FUT9: variants seen among roughly 807,000 people sequenced by gnomAD.
FUT9 encodes the protein 4-galactosyl-N-acetylglucosaminide 3-alpha-L-fucosyltransferase 9.
In FUT9, 15 loss-of-function variants were observed where a neutral mutation model predicts 29.7. That is an observed-to-expected ratio of 0.51 (90% CI 0.34 to 0.78). The LOEUF (loss-of-function observed/expected upper bound fraction) is 0.78. Among genes scored for constraint, FUT9 ranks in the 30% least tolerant of loss-of-function variants. FUT9 has a pLI of 0.01. For synonymous variants in FUT9, 169 were observed against 153.7 expected (o/e 1.10, Z -0.74); for missense variants, 319 against 425.4 (o/e 0.75, Z 2.20).
At chr6:96,129,283 A>C (rs1313052332) in intron 2 of FUT9, among the ~76,000 whole-genome samples, 1 of 10,224 alleles carries the variant, frequency 9.8e-5, no homozygotes, top group African/African-American at 1.5e-4. Context: ...AAAAAAAAAA[A>C]AAAAAAAAAC....
chr6:96,206,101 G>A lies in FUT9; in HGVS notation c.*1866G>A. On this transcript the variant is annotated 3_prime_UTR_variant, in exon 3 of 3. Coordinates refer to ENST00000302103, the MANE Select transcript of FUT9 (RefSeq NM_006581.4). Reference sequence around the variant, plus strand: ...CAATTCAGCCTGAGACTGTTTATATGCATGTGCTACTCCGAATGACGTTTG... The same window carrying A: ...CAATTCAGCCTGAGACTGTTTATATACATGTGCTACTCCGAATGACGTTTG... 6.0e-6 allele frequency: 1 copy of A among 166,982 alleles called. No homozygotes were observed. Among genetic ancestry groups the A allele is most frequent in the Non-Finnish European group, 1.5e-5 (1 of 68,108 alleles). 10.3% of individuals were successfully genotyped at this position (166,982 alleles called of 1,614,324 possible).
At position 96,210,892 on chromosome 6, in the gene FUT9, T is replaced by C. The variant is rs888791463; in HGVS notation, c.*6657T>C. On this transcript the variant is annotated 3_prime_UTR_variant, in exon 3 of 3. Coordinates refer to ENST00000302103, the MANE Select transcript of FUT9 (RefSeq NM_006581.4). ...TGTGCAAGTTACTCAACTTCTCTTA[T>C]CCTCAGATTTTGCAGCTGTAAAGCA... 5 of 166,906 alleles carry C rather than the reference T, an allele frequency of 3.0e-5. No homozygotes were observed. The highest frequency in any genetic ancestry group is 5.9e-5 in the Non-Finnish European group (4 of 68,024). The allele number at this position is 166,906 out of a possible 1,614,324, so 10.3% of individuals were successfully genotyped here. A position where few individuals can be genotyped will look rare whatever the true frequency, so the allele number is the denominator to read the frequency against.
intron 2 of FUT9, among the ~76,000 whole-genome samples, chr6:96,183,216 A>G (rs1028161669): frequency 6.6e-6 from 1 of 151,840 alleles, no homozygotes. Context: ...GCTATTGTAA[A>G]AGTGCTGAGT....
chr6:96,159,749 T>G (rs1772862234), intron 2 of FUT9, among the ~76,000 whole-genome samples: 1 of 152,144 alleles, frequency 6.6e-6, no homozygotes, highest in Non-Finnish European at 1.5e-5. Context: ...AATGATTGAA[T>G]GAATCAAGCA....
At chr6:96,179,903 G>A (rs1773274565) in intron 2 of FUT9, among the ~76,000 whole-genome samples, 1 of 152,084 alleles carries the variant, frequency 6.6e-6, no homozygotes, top group Non-Finnish European at 1.5e-5. Flanking sequence ...TCTAAAAGAT[G>A]AGACAAAATC....
At chr6:96,020,347 G>A (rs1770046182) in intron 1 of FUT9, among the ~76,000 whole-genome samples, 1 of 152,054 alleles carries the variant, frequency 6.6e-6, no homozygotes, top group Non-Finnish European at 1.5e-5. Flanking sequence ...TGCACTTACA[G>A]TTTCATCTCC....
chr6:96,045,808 C>T (rs1004870640), intron 1 of FUT9, among the ~76,000 whole-genome samples: 1 of 152,194 alleles, frequency 6.6e-6, no homozygotes, highest in Non-Finnish European at 1.5e-5. Context: ...GAGGCATCTC[C>T]TTTCGTAGTT....
chr6:96,063,062 A>C (rs1770904095), intron 1 of FUT9, among the ~76,000 whole-genome samples: 1 of 152,174 alleles, frequency 6.6e-6, no homozygotes, highest in African/African-American at 2.4e-5. Context: ...AAATGAACTA[A>C]TAGTATTAGA....
chr6:96,134,467 G>A (rs1454214771), intron 2 of FUT9, among the ~76,000 whole-genome samples: 2 of 151,654 alleles, frequency 1.3e-5, no homozygotes, highest in Non-Finnish European at 3.0e-5. Context: ...CTGATATTTA[G>A]AAATTGCAAA....
At chr6:96,120,662 G>A (rs1220793180) in intron 2 of FUT9, among the ~76,000 whole-genome samples, 5 of 121,298 alleles carry the variant, frequency 4.1e-5, no homozygotes, top group Non-Finnish European at 8.1e-5. Flanking sequence ...TGAATAACAG[G>A]TACTTAAAAT....
At position 96,047,862 on chromosome 6, in the gene FUT9, A is replaced by G. The variant is rs1363910617; in HGVS notation, c.-98+31650A>G. Among the ~76,000 whole-genome samples, 4 of 152,218 alleles carry G rather than the reference A, an allele frequency of 2.6e-5. No individual in the cohort carries two copies. The East Asian group carries it at 7.7e-4, about 29-fold the overall frequency. ...TTAGTTTTCTATTCCTGCTATAACA[A>G]ATTGCCAGAAACTTGGTAGCTTAAA... On this transcript the variant is annotated intron_variant, in intron 1 of 2. Transcript: ENST00000302103.
At chr6:96,041,623 T>C (rs1422809674) in intron 1 of FUT9, among the ~76,000 whole-genome samples, 1 of 152,174 alleles carries the variant, frequency 6.6e-6, no homozygotes, top group Non-Finnish European at 1.5e-5. Context: ...GGTGATACAT[T>C]TAGCTGTTCT....
At chr6:96,120,954 G>A (rs1031869292) in intron 2 of FUT9, among the ~76,000 whole-genome samples, 4 of 151,808 alleles carry the variant, frequency 2.6e-5, no homozygotes, top group Non-Finnish European at 4.4e-5. Context: ...TACACATACC[G>A]TCCAATATCT....
At chr6:96,132,281 C>T (rs1427513384) in intron 2 of FUT9, among the ~76,000 whole-genome samples, 2 of 105,174 alleles carry the variant, frequency 1.9e-5, no homozygotes, top group Non-Finnish European at 4.5e-5. Flanking sequence ...AGAAAACTGA[C>T]CGAAAAACAA....
At chr6:96,135,021 AG>A (rs35487079) in intron 2 of FUT9, among the ~76,000 whole-genome samples, 51,911 of 151,744 alleles carry the variant, frequency 0.34, 10,417 homozygotes, top group Middle Eastern at 0.5. Context: ...CATTTCAAAA[AG>A]GTGCAGGTTG....
intron 1 of FUT9, among the ~76,000 whole-genome samples, chr6:96,078,408 C>CTTTTTGTTTTTT (rs1771176551): frequency 2.3e-5 from 1 of 44,172 alleles, no homozygotes; most frequent in Non-Finnish European, 3.8e-5. Context: ...TATTAGTCTT[C>CTTTTTGTTTTTT]TTTTTTTTTT....
chr6:96,074,013 A>G (rs1435134987), intron 1 of FUT9, among the ~76,000 whole-genome samples: 2 of 152,214 alleles, frequency 1.3e-5, no homozygotes, highest in Non-Finnish European at 2.9e-5. Context: ...TTTAAAATTT[A>G]GGGCCTGCAA....
chr6:96,200,241 A>T (rs117003919), intron 2 of FUT9, among the ~76,000 whole-genome samples: 1 of 152,196 alleles, frequency 6.6e-6, no homozygotes, highest in South Asian at 2.1e-4. Flanking sequence ...GTTAAAAGAA[A>T]TTAATCTAAA....
chr6:96,053,947 TATAAA>T (rs544952284), intron 1 of FUT9, among the ~76,000 whole-genome samples: 218 of 152,252 alleles, frequency 1.4e-3, no homozygotes, highest in African/African-American at 5.1e-3. Flanking sequence ...CTATATGAGA[TATAAA>T]ATAAATAAAT....
Sources: gnomAD v4.1 joint callset for allele counts (sites outside exome capture counted in the v4.1 genomes callset) on GRCh38, gnomAD v4.1.1 for gene constraint, MANE v1.5 for transcripts, NCBI Gene and HGNC (gene_info 2026-07-23, HGNC 2026-07-21) for gene names.